Variants in SCN8A observed in about 807,000 individuals in gnomAD.
SCN8A encodes the protein sodium channel protein type 8 subunit alpha.
A neutral mutation model predicts 184.1 loss-of-function variants in SCN8A; 30 were observed. The ratio of observed to expected loss-of-function variants is 0.16; its 90% confidence interval spans 0.12 to 0.22. The LOEUF is 0.22. Ranked by LOEUF, SCN8A falls within the 10% of genes least tolerant of loss-of-function variation. The pLI is 1.00. For synonymous variants in SCN8A, 852 were observed against 907.0 expected, an observed-to-expected ratio of 0.94 and a Z score of 1.09; for missense variants, 1,057 against 2,498.9, an observed-to-expected ratio of 0.42 and a Z score of 12.30.
intron 19 of SCN8A, 25 bp from the exon 20 acceptor site, chr12:51,774,164 T>A (rs1432495531): frequency 6.2e-7 from 1 of 1,611,240 alleles, no homozygotes; most frequent in Non-Finnish European, 8.5e-7. Context: ...GGCACTGTCA[T>A]AGGCAGCTGC....
intron 2 of SCN8A, among the ~76,000 whole-genome samples, chr12:51,682,878 A>G (rs1296790429): frequency 6.6e-6 from 1 of 152,024 alleles, no homozygotes; most frequent in Non-Finnish European, 1.5e-5. Flanking sequence ...ATTACTGGTC[A>G]ATTCCCTAAA....
chr12:51,779,673 C>T (rs1179632610), intron 20 of SCN8A, among the ~76,000 whole-genome samples: 3 of 152,158 alleles, frequency 2.0e-5, no homozygotes, highest in Non-Finnish European at 4.4e-5. Context: ...TTCTTGTGTA[C>T]GGGTCTCAAT....
chr12:51,780,301 T>A (rs1224664475), intron 20 of SCN8A: 5 of 433,084 alleles, frequency 1.2e-5, no homozygotes, highest in Non-Finnish European at 2.3e-5. Context: ...TTCAGGCTCC[T>A]CTCCTTCCAG....
intron 2 of SCN8A, among the ~76,000 whole-genome samples, chr12:51,682,544 C>A (rs1034142821): frequency 1.3e-5 from 2 of 152,034 alleles, no homozygotes; most frequent in African/African-American, 4.8e-5. Flanking sequence ...CTTTTATTTA[C>A]ATAGAAAATT....
At chr12:51,735,665 G>T (rs1158997634) in intron 12 of SCN8A, among the ~76,000 whole-genome samples, 4 of 152,110 alleles carry the variant, frequency 2.6e-5, no homozygotes, top group Non-Finnish European at 5.9e-5. Flanking sequence ...CTGTCCCCAG[G>T]TGGGTGGCTG....
chr12:51,796,396 G>A lies in SCN8A; in HGVS notation c.4795+1755G>A, dbSNP rs140185642. Among the ~76,000 whole-genome samples, 360 of 152,188 alleles carry A rather than the reference G, an allele frequency of 2.4e-3. 3 individuals carry two copies. The highest frequency in any genetic ancestry group is 8.0e-3 in the African/African-American group (331 of 41,526). On this transcript the variant is annotated intron_variant, in intron 26 of 26. Transcript: ENST00000627620. ...CTTGAAACTTTCCTGGCCACTTATC[G>A]TTGAGTGACACAGAAAATCCACAGA...
intron 1 of SCN8A, among the ~76,000 whole-genome samples, chr12:51,613,288 A>T (rs1336775107): frequency 2.0e-5 from 3 of 152,216 alleles, no homozygotes; most frequent in Admixed American, 6.5e-5. Flanking sequence ...TTTCTCTAAT[A>T]GATATAGAAC....
At chr12:51,709,178 G>A (rs1941832096) in intron 11 of SCN8A, among the ~76,000 whole-genome samples, 1 of 152,198 alleles carries the variant, frequency 6.6e-6, no homozygotes, top group Non-Finnish European at 1.5e-5. Context: ...TAGAAGGGAA[G>A]CATATTCCAG....
chr12:51,807,625 C>A lies in SCN8A; in HGVS notation c.*196C>A. On this transcript the variant is annotated 3_prime_UTR_variant, in exon 27 of 27. Coordinates refer to ENST00000627620, the MANE Select transcript of SCN8A (RefSeq NM_001330260.2). The surrounding 1 kb of genome is among the most constrained non-coding windows in gnomAD (Gnocchi z 4.5). ...TGCCAAGGGCAAAGGACCCCGCTCCCTAGACTTACAGATTTTCTAATGCTT... is the reference window on the plus strand; with the variant it reads ...TGCCAAGGGCAAAGGACCCCGCTCCATAGACTTACAGATTTTCTAATGCTT... 1.6e-6 allele frequency: 1 copy of A among 623,614 alleles called. No individual in the cohort carries two copies. The highest frequency in any genetic ancestry group is 2.8e-6 in the Non-Finnish European group (1 of 359,140). The allele number at this position is 623,614 out of a possible 1,614,324, so 38.6% of individuals were successfully genotyped here.
intron 2 of SCN8A, among the ~76,000 whole-genome samples, chr12:51,674,442 C>G (rs1941187193): frequency 3.3e-5 from 5 of 152,136 alleles, no homozygotes; most frequent in Admixed American, 3.3e-4. Flanking sequence ...AAATGATTCT[C>G]CTGCCTCAGC....
At chr12:51,718,979 T>C (rs927768043) in intron 11 of SCN8A, among the ~76,000 whole-genome samples, 1 of 150,336 alleles carries the variant, frequency 6.7e-6, no homozygotes, top group Non-Finnish European at 1.5e-5. Context: ...AAAGACTTAA[T>C]TGCCAGCCGA....
chr12:51,704,892 T>C (rs1268823898), intron 9 of SCN8A, among the ~76,000 whole-genome samples: 2 of 152,008 alleles, frequency 1.3e-5, no homozygotes, highest in African/African-American at 2.4e-5. Flanking sequence ...GGAGAATCGC[T>C]TGAACCTGGG....
At chr12:51,688,086 A>G (rs916922306) in intron 5 of SCN8A, among the ~76,000 whole-genome samples, 1 of 152,348 alleles carries the variant, frequency 6.6e-6, no homozygotes, top group Middle Eastern at 3.4e-3. Context: ...TATAAAGGCA[A>G]TGTCTTACTT....
chr12:51,638,565 C>T (rs1302659527), intron 1 of SCN8A, among the ~76,000 whole-genome samples: 3 of 151,606 alleles, frequency 2.0e-5, no homozygotes, highest in African/African-American at 7.3e-5. Flanking sequence ...TGGCTCACTG[C>T]AACCTCCGCC....
intron 11 of SCN8A, among the ~76,000 whole-genome samples, chr12:51,708,381 A>C (rs576814400): frequency 1.3e-5 from 2 of 152,230 alleles, no homozygotes; most frequent in Non-Finnish European, 2.9e-5. Context: ...ATTGTTGAGC[A>C]TTCTGTTACT....
rs773347806 is a variant in SCN8A at position 51,768,856 on chromosome 12, C to T, written c.2902-9C>T. The T allele has an allele frequency of 3.0e-5, 45 of 1,523,814 alleles. No individual in the cohort carries two copies. In the South Asian group the frequency reaches 4.2e-4, roughly 14 times the overall value. 94.4% of individuals were successfully genotyped at this position (1,523,814 alleles called of 1,614,324 possible). A position where few individuals can be genotyped will look rare whatever the true frequency, so the allele number is the denominator to read the frequency against. The stretch of plus-strand genomic sequence containing the variant: ...CATTTGTTCCTTTTTTCCAATGCTA[C>T]TGGCATAGGTGCTGAACCTGTTTCT... On this transcript the variant is annotated splice_polypyrimidine_tract_variant and intron_variant, in intron 16 of 26. Coordinates refer to ENST00000627620, the MANE Select transcript of SCN8A (RefSeq NM_001330260.2).
intron 2 of SCN8A, among the ~76,000 whole-genome samples, chr12:51,669,141 A>G (rs900123109): frequency 6.6e-6 from 1 of 152,232 alleles, no homozygotes; most frequent in African/African-American, 2.4e-5. Flanking sequence ...TTTATGACAG[A>G]TACAAGGTCA....
intron 1 of SCN8A, 105 bp downstream of exon 1, chr12:51,591,464 C>G (rs1277108065): frequency 6.5e-6 from 1 of 152,802 alleles, no homozygotes; most frequent in Admixed American, 6.5e-5. Flanking sequence ...CAGTCAGGGG[C>G]TTTGCCGCAG....
At chr12:51,592,234 C>T (rs1351151748) in intron 1 of SCN8A, among the ~76,000 whole-genome samples, 1 of 151,882 alleles carries the variant, frequency 6.6e-6, no homozygotes, top group Non-Finnish European at 1.5e-5. Flanking sequence ...CCTTGGGGCA[C>T]CGCAAAGCCT....
Sources: gnomAD v4.1 joint callset for allele counts (sites outside exome capture counted in the v4.1 genomes callset) on GRCh38, gnomAD v4.1.1 for gene constraint, Gnocchi (gnomAD v3.1) non-coding constraint, MANE v1.5 for transcripts, NCBI Gene and HGNC (gene_info 2026-07-23, HGNC 2026-07-21) for gene names.